Variants in ADGRD2 observed in about 807,000 individuals in gnomAD.
The protein encoded by ADGRD2 is G protein-coupled receptor PGR24.
In ADGRD2, 71 loss-of-function variants were observed where a neutral mutation model predicts 44.4. The ratio of observed to expected loss-of-function variants is 1.60; its 90% CI spans 1.32 to 1.95. The LOEUF (loss-of-function observed/expected upper bound fraction) is 1.95. Among genes scored for constraint, ADGRD2 ranks in the 30% most tolerant of loss-of-function variants. ADGRD2 has a pLI of 0.00. For missense variants in ADGRD2, 1,039 were observed against 512.4 expected (o/e 2.03, Z -9.92); for synonymous variants, 481 against 224.8 (o/e 2.14, Z -10.19).
exon 6 of ADGRD2, chr9:124,455,013 G>T: frequency 1.4e-6 from 1 of 718,390 alleles, no homozygotes; most frequent in Middle Eastern, 2.3e-4. Context: ...TCGGGGCTGG[G>T]GACCCAGAGC....
chr9:124,466,214 T>G (rs541566671), intron 10 of ADGRD2, 44 bp from the exon 14 acceptor site: 1 of 550,612 alleles, frequency 1.8e-6, no homozygotes, highest in East Asian at 3.1e-5. Context: ...GCCTTTCCCC[T>G]GCTTGCTTCT....
intron 10 of ADGRD2, among the ~76,000 whole-genome samples, chr9:124,464,752 C>T (rs1442959379): frequency 7.4e-6 from 1 of 135,814 alleles, no homozygotes; most frequent in Non-Finnish European, 1.6e-5. Context: ...CACATTCAAC[C>T]CAGACCTAAC....
intron 21 of ADGRD2, chr9:124,476,927 G>A: frequency 1.4e-6 from 1 of 706,244 alleles, no homozygotes; most frequent in East Asian, 2.7e-5. Flanking sequence ...AGTAGGTCAT[G>A]GAACCCTATT....
chr9:124,467,675 T>C, intron 11 of ADGRD2, 46 bp from the exon 15 acceptor site: 1 of 715,310 alleles, frequency 1.4e-6, no homozygotes. Context: ...CTGGCCTGGG[T>C]TGGGTCTGGG....
At chr9:124,474,489 G>A (rs1310160291) in intron 17 of ADGRD2, among the ~76,000 whole-genome samples, 1 of 152,118 alleles carries the variant, frequency 6.6e-6, no homozygotes, top group African/African-American at 2.4e-5. Context: ...GGAGGCTTTG[G>A]GGTCTGTCTT....
chr9:124,472,851 G>A (rs1042331146), intron 17 of ADGRD2, among the ~76,000 whole-genome samples: 1 of 152,190 alleles, frequency 6.6e-6, no homozygotes, highest in Non-Finnish European at 1.5e-5. Context: ...ATCTCCCTGT[G>A]CATGACACTC....
chr9:124,453,085 G>T (rs771461365), exon 3 of ADGRD2: 1 of 688,814 alleles, frequency 1.5e-6, no homozygotes, highest in African/African-American at 1.8e-5. Context: ...GGCTGACCGG[G>T]CGGCGCGGCT....
chr9:124,469,873 C>A (rs768119147), intron 16 of ADGRD2, among the ~76,000 whole-genome samples: 13 of 152,016 alleles, frequency 8.6e-5, no homozygotes, highest in African/African-American at 2.4e-4. Flanking sequence ...CTGCAGGAGA[C>A]AAAGTAGGGG....
At chr9:124,477,878 C>T (rs1260513835) in intron 21 of ADGRD2, among the ~76,000 whole-genome samples, 2 of 151,346 alleles carry the variant, frequency 1.3e-5, no homozygotes, top group East Asian at 3.9e-4. Flanking sequence ...GCTCAAGTGA[C>T]GGCGCCTTTG....
exon 6 of ADGRD2, chr9:124,455,119 C>T: frequency 1.4e-6 from 1 of 702,446 alleles, no homozygotes; most frequent in Non-Finnish European, 2.7e-6. Context: ...ATGGCTCTCC[C>T]TCCGTGAAGT....
intron 16 of ADGRD2, 110 bp from the exon 20 acceptor site, chr9:124,470,384 C>T (rs113222393): frequency 2.3e-4 from 139 of 615,738 alleles, no homozygotes; most frequent in African/African-American, 2.2e-3. Context: ...TGGTCCCGGC[C>T]CTCAGCTCCC....
Position 124,458,378 on chromosome 9 carries a change from C to G in ADGRD2, c.1764+142C>G, listed in dbSNP as rs1831657887. On this transcript the variant is annotated intron_variant, in intron 9 of 21. Coordinates refer to ENST00000334810, the Ensembl canonical transcript of ADGRD2. ...ACCCCTGCCCAACACACACACACTT[C>G]TGCACCTGCCAGAGGTGAACACGGC... 3 of 626,346 alleles carry G rather than the reference C, an allele frequency of 4.8e-6. No homozygotes were observed. The South Asian group carries it at 5.6e-5, about 12-fold the overall frequency. 38.8% of individuals were successfully genotyped at this position (626,346 alleles called of 1,614,324 possible).
intron 21 of ADGRD2, among the ~76,000 whole-genome samples, chr9:124,477,493 G>T (rs1832071151): frequency 6.6e-6 from 1 of 152,228 alleles, no homozygotes; most frequent in Non-Finnish European, 1.5e-5. Flanking sequence ...AGGGGGAGGT[G>T]CCTTTCTCCA....
chr9:124,477,096 C>A, intron 21 of ADGRD2: 1 of 506,216 alleles, frequency 2.0e-6, no homozygotes, highest in Non-Finnish European at 4.0e-6. Context: ...AAGGCCCCGG[C>A]CTGATGCCCT....
intron 9 of ADGRD2, among the ~76,000 whole-genome samples, 177 bp downstream of exon 12, chr9:124,458,413 G>C (rs940673206): frequency 6.6e-6 from 1 of 152,210 alleles, no homozygotes; most frequent in African/African-American, 2.4e-5. Flanking sequence ...CTCAACTCCT[G>C]TCTGGGGTTC....
chr9:124,474,635 C>T (rs965825872), intron 17 of ADGRD2, among the ~76,000 whole-genome samples: 2 of 152,140 alleles, frequency 1.3e-5, no homozygotes, highest in Admixed American at 1.3e-4. Flanking sequence ...TGTGTCCTCC[C>T]GCCTGGGCCG....
chr9:124,472,485 G>T (rs150005085), intron 17 of ADGRD2, among the ~76,000 whole-genome samples: 3 of 70,008 alleles, frequency 4.3e-5, no homozygotes, highest in Admixed American at 1.9e-4. Context: ...TTTTTGTTTT[G>T]TTTTTGTTTT....
At position 124,452,825 on chromosome 9, in the gene ADGRD2, A is replaced by G. The variant is rs190475417; in HGVS notation, c.281+103A>G. The G allele has an allele frequency of 1.3e-4, 83 of 635,786 alleles. No individual in the cohort carries two copies. In the African/African-American group the frequency reaches 1.4e-3, roughly 11 times the overall value. 39.4% of individuals were successfully genotyped at this position (635,786 alleles called of 1,614,324 possible). A position where few individuals can be genotyped will look rare whatever the true frequency, so the allele number is the denominator to read the frequency against. On this transcript the variant is annotated intron_variant, in intron 2 of 21. Coordinates refer to ENST00000334810, the Ensembl canonical transcript of ADGRD2. ...AATATTTGCAGAATGAGCCGGGAGT[A>G]AGACCCCATTGCATCTCCAGGTTCC...
chr9:124,450,531 A>C (rs1401950828), upstream of ADGRD2, among the ~76,000 whole-genome samples: 2 of 152,228 alleles, frequency 1.3e-5, no homozygotes, highest in Non-Finnish European at 2.9e-5. Flanking sequence ...GGAGCTGGGA[A>C]CAGGGGAGGG....
Sources: gnomAD v4.1 joint callset for allele counts (sites outside exome capture counted in the v4.1 genomes callset) on GRCh38, gnomAD v4.1.1 for gene constraint, MANE v1.5 for transcripts, NCBI Gene and HGNC (gene_info 2026-07-23, HGNC 2026-07-21) for gene names.